The following MALRD1 variants were observed in gnomAD, a reference collection of about 807,000 sequenced individuals.
MALRD1 encodes the protein MAM and LDL receptor class A domain containing 1.
MALRD1 carries 247 observed loss-of-function variants against 242.1 expected under a neutral mutation model. The ratio of observed to expected loss-of-function variants is 1.02; its 90% CI spans 0.92 to 1.13. MALRD1 has a LOEUF of 1.13. Among genes scored for constraint, MALRD1 ranks in the 50% most tolerant of loss-of-function variants. MALRD1 has a pLI of 0.00. For missense variants in MALRD1, 2,989 were observed against 2,533.1 expected (o/e 1.18, Z -3.86); for synonymous variants, 995 against 866.6 (o/e 1.15, Z -2.60).
intron 29 of MALRD1, among the ~76,000 whole-genome samples, chr10:19,482,838 G>A (rs1837065455): frequency 1.3e-5 from 2 of 151,978 alleles, no homozygotes. Context: ...TGGGTTGGAA[G>A]AATCAGTATC....
intron 34 of MALRD1, among the ~76,000 whole-genome samples, chr10:19,598,666 G>A (rs555883101): frequency 6.6e-6 from 1 of 152,124 alleles, no homozygotes; most frequent in East Asian, 1.9e-4. Flanking sequence ...GTTTGGAAGT[G>A]TATATATAAA....
intron 1 of MALRD1, among the ~76,000 whole-genome samples, chr10:19,066,494 G>A (rs995239261): frequency 4.1e-4 from 63 of 152,116 alleles, no homozygotes; most frequent in African/African-American, 1.5e-3. Context: ...ATCCTATGTC[G>A]TGTGGCATTT....
At chr10:19,441,973 T>C (rs1834684797) in intron 28 of MALRD1, among the ~76,000 whole-genome samples, 1 of 152,226 alleles carries the variant, frequency 6.6e-6, no homozygotes, top group African/African-American at 2.4e-5. Context: ...GAGCATGGAA[T>C]GTTCTTCCAT....
intron 5 of MALRD1, among the ~76,000 whole-genome samples, chr10:19,114,389 T>A (rs181936005): frequency 6.6e-6 from 1 of 152,240 alleles, no homozygotes; most frequent in Admixed American, 6.5e-5. Flanking sequence ...ATAGAAATGA[T>A]TGTTTAGGAG....
intron 2 of MALRD1, among the ~76,000 whole-genome samples, chr10:19,067,831 A>G (rs1209219747): frequency 6.6e-6 from 1 of 152,058 alleles, no homozygotes. Context: ...TGTTTAGTCC[A>G]TTTCTGAATA....
At chr10:19,607,713 GAA>G in intron 34 of MALRD1, 62 bp from the exon 35 acceptor site, 4 of 1,507,714 alleles carry the variant, frequency 2.7e-6, no homozygotes, top group Non-Finnish European at 3.5e-6. Flanking sequence ...TTTGTTGTGA[GAA>G]TTCATTGGGA....
chr10:19,133,952 TGAAA>T lies in MALRD1; in HGVS notation c.1203+9_1203+12del, dbSNP rs996223986. 5.7e-5 allele frequency: 69 copies of T among 1,216,894 alleles called. No individual in the cohort carries two copies. In the African/African-American group the frequency reaches 9.1e-4, roughly 16 times the overall value. The allele number at this position is 1,216,894 out of a possible 1,614,324, so 75.4% of individuals were successfully genotyped here. The stretch of plus-strand genomic sequence containing the variant: ...AGAAGATCTGAAGACATTTAAGGTA[TGAAA>T]GAAAAAAAAAAAGTATTTTTTTATC... On this transcript the variant is annotated splice_donor_5th_base_variant and intron_variant, in intron 9 of 39. Transcript: ENST00000454679.
intron 32 of MALRD1, among the ~76,000 whole-genome samples, chr10:19,554,826 A>G (rs1835645718): frequency 6.6e-6 from 1 of 152,010 alleles, no homozygotes; most frequent in African/African-American, 2.4e-5. Context: ...ATTTGGGTTG[A>G]TTCCATTTCT....
intron 36 of MALRD1, among the ~76,000 whole-genome samples, chr10:19,617,374 A>G (rs1248873474): frequency 6.6e-6 from 1 of 152,056 alleles, no homozygotes; most frequent in Non-Finnish European, 1.5e-5. Flanking sequence ...CAAATATCCT[A>G]AAGTATTATT....
At chr10:19,395,239 A>C (rs944925256) in intron 28 of MALRD1, among the ~76,000 whole-genome samples, 1 of 152,166 alleles carries the variant, frequency 6.6e-6, no homozygotes, top group African/African-American at 2.4e-5. Context: ...TCCCAGAGTT[A>C]AGGACGTGTG....
At chr10:19,048,069 C>T (rs1382987958), upstream of MALRD1, among the ~76,000 whole-genome samples, 1 of 152,096 alleles carries the variant, frequency 6.6e-6, no homozygotes, top group East Asian at 1.9e-4. Context: ...ATATATTGTT[C>T]ATTCTGAATA....
intron 5 of MALRD1, among the ~76,000 whole-genome samples, chr10:19,121,100 G>A (rs1837046462): frequency 7.0e-6 from 1 of 142,914 alleles, no homozygotes; most frequent in Non-Finnish European, 1.5e-5. Flanking sequence ...CTAAAGTGCA[G>A]TGGTGCGATC....
intron 26 of MALRD1, among the ~76,000 whole-genome samples, chr10:19,382,657 T>C (rs1845888781): frequency 1.3e-5 from 2 of 152,134 alleles, no homozygotes; most frequent in Non-Finnish European, 1.5e-5. Context: ...GGCTTTCTTC[T>C]TTATGTACTT....
intron 2 of MALRD1, among the ~76,000 whole-genome samples, chr10:19,073,530 G>A (rs1835223528): frequency 6.6e-6 from 1 of 152,014 alleles, no homozygotes; most frequent in South Asian, 2.1e-4. Context: ...GGTTTCTGAT[G>A]GTTTAATGTG....
chr10:19,704,165 A>G (rs1362775034), intron 38 of MALRD1, among the ~76,000 whole-genome samples: 1 of 152,190 alleles, frequency 6.6e-6, no homozygotes, highest in African/African-American at 2.4e-5. Context: ...ACATATATTC[A>G]TGTGAAAAGT....
intron 36 of MALRD1, among the ~76,000 whole-genome samples, chr10:19,644,841 T>G (rs937594224): frequency 6.6e-6 from 1 of 152,168 alleles, no homozygotes; most frequent in South Asian, 2.1e-4. Context: ...TTTGTCTACT[T>G]GTAAGTAATA....
At chr10:19,081,751 G>A (rs926982010) in intron 2 of MALRD1, among the ~76,000 whole-genome samples, 35 of 151,974 alleles carry the variant, frequency 2.3e-4, no homozygotes, top group Non-Finnish European at 3.7e-4. Context: ...CATCCTGCAT[G>A]TGTACCCCAG....
At chr10:19,136,487 A>G (rs1179021038) in intron 9 of MALRD1, 87 bp from the exon 10 acceptor site, 2 of 753,710 alleles carry the variant, frequency 2.7e-6, no homozygotes, top group African/African-American at 3.6e-5. Flanking sequence ...TTTTCTCAAT[A>G]ACTACTTTGT....
In MALRD1 at chr10:19,424,553, T is replaced by A. The variant is rs1589053123; in HGVS notation, c.4846-25754T>A. ...CACTTTTCTACACAAAAACATACACTAATATGAGATCTGCTTTTTTGCAGA... is the reference window on the plus strand; with the variant it reads ...CACTTTTCTACACAAAAACATACACAAATATGAGATCTGCTTTTTTGCAGA... On this transcript the variant is annotated intron_variant, in intron 28 of 39. Transcript: ENST00000454679. Among the ~76,000 whole-genome samples the A allele has an allele frequency of 2.6e-5, 4 of 152,294 alleles. No homozygotes were observed. In the South Asian group the frequency reaches 8.3e-4, roughly 32 times the overall value.
Sources: allele counts gnomAD v4.1 joint callset (sites outside exome capture counted in the v4.1 genomes callset), GRCh38; gene constraint gnomAD v4.1.1; transcripts MANE v1.5; gene names NCBI Gene and HGNC (gene_info 2026-07-23, HGNC 2026-07-21).